SGSM1: variants seen among roughly 807,000 people sequenced by gnomAD.
SGSM1 encodes the protein small G protein signaling modulator 1, also known as RUN and TBC1 domain containing 2.
Under a neutral mutation model 133.8 loss-of-function variants are expected in SGSM1, and 73 were observed. The ratio of observed to expected loss-of-function variants is 0.55; its 90% CI spans 0.45 to 0.66. The LOEUF is 0.66. Ranked by LOEUF, SGSM1 falls within the 30% of genes least tolerant of loss-of-function variation. The pLI, the probability that SGSM1 is intolerant of heterozygous loss-of-function variation, is 0.00. For missense variants in SGSM1, 1,213 were observed against 1,448.1 expected, an observed-to-expected ratio of 0.84 and a Z score of 2.64; for synonymous variants, 563 against 573.0, an observed-to-expected ratio of 0.98 and a Z score of 0.25.
intron 20 of SGSM1, among the ~76,000 whole-genome samples, 159 bp downstream of exon 20, chr22:24,902,116 TA>T (rs1933188116): frequency 6.6e-6 from 1 of 152,142 alleles, no homozygotes; most frequent in Non-Finnish European, 1.5e-5. Flanking sequence ...ACAACAATAA[TA>T]TAGAACATTT....
At chr22:24,823,940 C>T (rs183637560) in intron 2 of SGSM1, among the ~76,000 whole-genome samples, 21 of 152,280 alleles carry the variant, frequency 1.4e-4, no homozygotes, top group African/African-American at 4.3e-4. Context: ...TATTATCTTA[C>T]GCCAGTGAGG....
intron 9 of SGSM1, among the ~76,000 whole-genome samples, chr22:24,861,431 G>A (rs902030097): frequency 6.6e-6 from 1 of 151,988 alleles, no homozygotes; most frequent in African/African-American, 2.4e-5. Context: ...GAGCTGGTCA[G>A]TGGGCAGGAC....
intron 2 of SGSM1, among the ~76,000 whole-genome samples, chr22:24,812,174 AAAG>A (rs1456743444): frequency 2.2e-3 from 244 of 112,026 alleles, no homozygotes; most frequent in African/African-American, 6.6e-3. Context: ...CGTCTCAAAA[AAAG>A]AAAAAAAAAA....
intron 2 of SGSM1, among the ~76,000 whole-genome samples, chr22:24,829,570 C>T (rs1316061484): frequency 6.6e-6 from 1 of 152,150 alleles, no homozygotes; most frequent in Non-Finnish European, 1.5e-5. Context: ...TATTCTCTTA[C>T]TTAATCATTC....
chr22:24,900,411 A>G (rs79166417), intron 19 of SGSM1, among the ~76,000 whole-genome samples: 1 of 99,922 alleles, frequency 1.0e-5, no homozygotes. Context: ...TTCTTTCTGT[A>G]TTTTTGAGAC....
intron 2 of SGSM1, among the ~76,000 whole-genome samples, chr22:24,816,260 A>G (rs1262712786): frequency 6.6e-6 from 1 of 152,226 alleles, no homozygotes; most frequent in African/African-American, 2.4e-5. Flanking sequence ...CTGAACCAGG[A>G]CTACAGAGCT....
intron 16 of SGSM1, 44 bp from the exon 17 acceptor site, chr22:24,893,387 C>CAGGG: frequency 6.2e-7 from 1 of 1,603,414 alleles, no homozygotes; most frequent in Non-Finnish European, 8.5e-7. Context: ...TCCCCAGGCG[C>CAGGG]CCCTTTGTTG....
intron 2 of SGSM1, among the ~76,000 whole-genome samples, chr22:24,838,149 G>A (rs1929575251): frequency 6.6e-6 from 1 of 152,178 alleles, no homozygotes; most frequent in Non-Finnish European, 1.5e-5. Context: ...TCTTTTGTAT[G>A]TAGCTATCCA....
In SGSM1 at chr22:24,857,923, G is replaced by A. The variant is rs191102965; in HGVS notation, c.802-1793G>A. 3.3e-5 allele frequency among the ~76,000 whole-genome samples: 5 copies of A among 152,246 alleles called. No individual in the cohort carries two copies. The East Asian group carries it at 7.7e-4, about 23-fold the overall frequency. ...ATGTTTGGTGGTCCCTGATCCAGGA[G>A]CACAGGAAGTGCAGCATTTCTTGCA... On this transcript the variant is annotated intron_variant, in intron 8 of 24. Coordinates refer to ENST00000400358, the MANE Select transcript of SGSM1 (RefSeq NM_001098497.3).
At chr22:24,872,350 C>G (rs755062206) in intron 12 of SGSM1, among the ~76,000 whole-genome samples, 4 of 152,086 alleles carry the variant, frequency 2.6e-5, no homozygotes, top group Non-Finnish European at 5.9e-5. Context: ...TTTTCAGACC[C>G]CTCTGCTTCT....
intron 12 of SGSM1, chr22:24,874,634 T>C (rs867288300): frequency 6.6e-7 from 1 of 1,504,932 alleles, no homozygotes; most frequent in Middle Eastern, 2.3e-4. Flanking sequence ...ACCTCTGCCA[T>C]GTTGTCATTT....
At chr22:24,904,511 C>T (rs1015093774) in intron 20 of SGSM1, among the ~76,000 whole-genome samples, 4 of 147,504 alleles carry the variant, frequency 2.7e-5, no homozygotes, top group East Asian at 2.0e-4. Flanking sequence ...ACCCAGGGGG[C>T]GGAGCCTGCA....
chr22:24,859,601 G>T (rs917422599), intron 8 of SGSM1, 115 bp from the exon 9 acceptor site: 2 of 1,438,760 alleles, frequency 1.4e-6, no homozygotes, highest in African/African-American at 1.4e-5. Context: ...GGGCCTTGAA[G>T]GGATTAACCC....
rs781625691 is a variant in SGSM1, at chr22:24,875,006, C to T, written c.1292-1571C>T. The stretch of plus-strand genomic sequence containing the variant: ...TGGTGGCTGCAAGAATTACATCGTA[C>T]AGGCAGCTTCCTCTTCTGTCTGTGG... On this transcript the variant is annotated intron_variant, in intron 12 of 24. Transcript: ENST00000400358. Among the ~76,000 whole-genome samples the T allele has an allele frequency of 7.9e-5, 12 of 152,194 alleles. 1 individual carries two copies. Among genetic ancestry groups the T allele is most frequent in the East Asian group, 1.9e-4 (1 of 5,186 alleles).
In SGSM1 at chr22:24,924,217, C is replaced by A; in HGVS notation, c.3225C>A (p.Val1075=). Residue 1075 remains valine (V), a synonymous_variant, in exon 25 of 25, where the codon GTC becomes GTA. Coordinates refer to ENST00000400358, the MANE Select transcript of SGSM1 (RefSeq NM_001098497.3). ...CTGAGCGACACAACACCAAGCAAGT[C>A]CTGAAGCTGGCGCGGGACCTCGTGT... The part of the protein sequence containing the change: ...EMAERHNTKQ[V]LKLARDLVYK... The A allele has an allele frequency of 6.2e-7, 1 of 1,613,970 alleles. No homozygotes were observed.
chr22:24,911,446 C>A lies in SGSM1; in HGVS notation c.2819-1197C>A, dbSNP rs545384290. ...AGCTGGGATTACAGGCATGAACTAC[C>A]ATGCCTGGCCAACTACCTACACTTT... On this transcript the variant is annotated intron_variant, in intron 21 of 24. Transcript: ENST00000400358. Among the ~76,000 whole-genome samples, 4 of 152,036 alleles carry A rather than the reference C, an allele frequency of 2.6e-5. No individual in the cohort carries two copies. In the East Asian group the frequency reaches 7.8e-4, roughly 30 times the overall value.
At chr22:24,813,459 C>T (rs951522870) in intron 2 of SGSM1, among the ~76,000 whole-genome samples, 1 of 152,174 alleles carries the variant, frequency 6.6e-6, no homozygotes, top group African/African-American at 2.4e-5. Context: ...CACAGCCCCC[C>T]ACCCACTACT....
At chr22:24,841,092 C>T (rs780967802) in intron 2 of SGSM1, among the ~76,000 whole-genome samples, 34 of 152,230 alleles carry the variant, frequency 2.2e-4, no homozygotes, top group East Asian at 7.7e-4. Flanking sequence ...CCTTGTGATC[C>T]GCCCGCCTTG....
At position 24,925,559 on chromosome 22, in the gene SGSM1, C is replaced by T. The variant is rs1472805226; in HGVS notation, c.*1285C>T. The T allele has an allele frequency of 1.3e-5, 2 of 152,192 alleles. No homozygotes were observed. Among genetic ancestry groups the T allele is most frequent in the East Asian group, 3.9e-4 (2 of 5,194 alleles). The allele number at this position is 152,192 out of a possible 1,614,324, so 9.4% of individuals were successfully genotyped here. A position where few individuals can be genotyped will look rare whatever the true frequency, so the allele number is the denominator to read the frequency against. On this transcript the variant is annotated 3_prime_UTR_variant, in exon 25 of 25. Transcript: ENST00000400358. ...GAGACGGTCAGAGCTCTTTGGGGTC[C>T]TGCTCAGAGTCCCCCAGGCAGGGCA...
Sources: allele counts gnomAD v4.1 joint callset (sites outside exome capture counted in the v4.1 genomes callset), GRCh38; gene constraint gnomAD v4.1.1; transcripts MANE v1.5; gene names NCBI Gene and HGNC (gene_info 2026-07-23, HGNC 2026-07-21).